Variants in SPAG16 observed in about 807,000 individuals in gnomAD.
The protein encoded by SPAG16 is sperm associated antigen 16, also known as sperm-associated antigen 16 protein.
Under a neutral mutation model 80.4 loss-of-function variants are expected in SPAG16, and 86 were observed. That is an observed-to-expected ratio of 1.07 (90% CI 0.90 to 1.28). The LOEUF (loss-of-function observed/expected upper bound fraction) is 1.28, where lower values mean the gene tolerates loss of function less well. SPAG16 is among the 50% of genes most tolerant of loss of function. The pLI is 0.00. For synonymous variants in SPAG16, 294 were observed against 265.9 expected (o/e 1.11, Z -1.03); for missense variants, 870 against 765.3 (o/e 1.14, Z -1.61).
At chr2:213,367,073 C>T (rs7593222) in intron 8 of SPAG16, among the ~76,000 whole-genome samples, 148,338 of 152,234 alleles carry the variant, frequency 0.97, 72,382 homozygotes, top group East Asian at 1. Flanking sequence ...TGGCTGAGAA[C>T]GATGGTTTCC....
intron 10 of SPAG16, among the ~76,000 whole-genome samples, chr2:213,647,569 T>A (rs908223279): frequency 1.3e-5 from 2 of 152,190 alleles, no homozygotes; most frequent in South Asian, 2.1e-4. Context: ...AGAAGTTTCT[T>A]ATTGAAGCCC....
intron 9 of SPAG16, among the ~76,000 whole-genome samples, chr2:213,441,909 G>A (rs1559136748): frequency 6.6e-6 from 1 of 152,204 alleles, no homozygotes. Flanking sequence ...CACTTTGGGA[G>A]GCTGAGACAG....
intron 15 of SPAG16, among the ~76,000 whole-genome samples, chr2:214,298,777 A>G (rs932514576): frequency 6.6e-6 from 1 of 152,046 alleles, no homozygotes; most frequent in African/African-American, 2.4e-5. Flanking sequence ...TTCTTTTTCA[A>G]TCTTGAGGTG....
chr2:213,523,527 G>A (rs2075769054), intron 10 of SPAG16, among the ~76,000 whole-genome samples: 1 of 152,158 alleles, frequency 6.6e-6, no homozygotes, highest in Non-Finnish European at 1.5e-5. Context: ...CAGTTTGGAG[G>A]GCTCAGAAGA....
intron 15 of SPAG16, among the ~76,000 whole-genome samples, chr2:214,390,106 T>C (rs1320424687): frequency 1.3e-5 from 2 of 152,148 alleles, no homozygotes; most frequent in Non-Finnish European, 2.9e-5. Context: ...TATGAAACAA[T>C]ACAATTTTTC....
At chr2:213,411,583 A>G (rs2068968106) in intron 9 of SPAG16, among the ~76,000 whole-genome samples, 1 of 152,232 alleles carries the variant, frequency 6.6e-6, no homozygotes, top group South Asian at 2.1e-4. Flanking sequence ...ATAGAAGTAT[A>G]ACAAAGGCAT....
At chr2:213,868,074 T>TTGG (rs1336724991) in intron 11 of SPAG16, among the ~76,000 whole-genome samples, 1 of 152,066 alleles carries the variant, frequency 6.6e-6, no homozygotes, top group Non-Finnish European at 1.5e-5. Flanking sequence ...TCAACATTAG[T>TTGG]TGGTAAAATC....
At chr2:214,234,074 T>TCC (rs112579129) in intron 15 of SPAG16, among the ~76,000 whole-genome samples, 254 of 151,354 alleles carry the variant, frequency 1.7e-3, no homozygotes, top group South Asian at 0.011. Context: ...ATGTGTTGTT[T>TCC]CCCCCCCCAT....
At chr2:214,016,189 C>T (rs1380332175) in intron 13 of SPAG16, among the ~76,000 whole-genome samples, 2 of 151,910 alleles carry the variant, frequency 1.3e-5, no homozygotes, top group African/African-American at 2.4e-5. Context: ...AAAGACATAC[C>T]CAAGGCTGGG....
chr2:213,659,364 C>T (rs2125175636), intron 10 of SPAG16, among the ~76,000 whole-genome samples: 1 of 151,338 alleles, frequency 6.6e-6, no homozygotes, highest in South Asian at 2.1e-4. Context: ...AGAAAGAATC[C>T]CAATGGACTC....
chr2:214,387,570 G>A (rs754945979), intron 15 of SPAG16, among the ~76,000 whole-genome samples: 16 of 152,140 alleles, frequency 1.1e-4, no homozygotes, highest in Admixed American at 1.3e-4. Flanking sequence ...ATATTCAAAA[G>A]TGTGGTATAT....
intron 10 of SPAG16, among the ~76,000 whole-genome samples, chr2:213,647,501 T>C (rs571761734): frequency 4.2e-4 from 64 of 151,992 alleles, no homozygotes; most frequent in African/African-American, 1.5e-3. Context: ...ATTCACAGAG[T>C]AGGGGATGGT....
intron 15 of SPAG16, among the ~76,000 whole-genome samples, chr2:214,191,236 C>G (rs544028099): frequency 3.7e-4 from 57 of 152,218 alleles, no homozygotes; most frequent in African/African-American, 1.3e-3. Flanking sequence ...AAAAAAGGCA[C>G]AGCCACTTTC....
intron 13 of SPAG16, among the ~76,000 whole-genome samples, chr2:214,054,428 A>G (rs1252357619): frequency 6.6e-6 from 1 of 152,228 alleles, no homozygotes; most frequent in Non-Finnish European, 1.5e-5. Flanking sequence ...AATTGTTCTT[A>G]TCAGAAGTTC....
At chr2:213,462,894 A>T (rs2072462278) in intron 9 of SPAG16, among the ~76,000 whole-genome samples, 2 of 152,308 alleles carry the variant, frequency 1.3e-5, no homozygotes, top group African/African-American at 4.8e-5. Flanking sequence ...ATACCCCAAA[A>T]TGTGGAAGCT....
At chr2:214,244,141 T>G (rs1689679409) in intron 15 of SPAG16, among the ~76,000 whole-genome samples, 1 of 152,066 alleles carries the variant, frequency 6.6e-6, no homozygotes, top group Non-Finnish European at 1.5e-5. Context: ...AAGGAATGCC[T>G]TCAAATTATA....
chr2:214,337,194 T>A (rs13419939), intron 15 of SPAG16, among the ~76,000 whole-genome samples: 4,153 of 152,114 alleles, frequency 0.027, 191 homozygotes, highest in African/African-American at 0.094. Flanking sequence ...CGTAGTAAAG[T>A]TCTCTCACTG....
At chr2:214,328,632 T>TTCTA (rs1028226708) in intron 15 of SPAG16, among the ~76,000 whole-genome samples, 1 of 152,236 alleles carries the variant, frequency 6.6e-6, no homozygotes, top group African/African-American at 2.4e-5. Context: ...GTATCTCAAA[T>TTCTA]TCTATCTATC....
chr2:213,693,510 A>G (rs1289364239), intron 10 of SPAG16, among the ~76,000 whole-genome samples: 4 of 152,176 alleles, frequency 2.6e-5, no homozygotes, highest in African/African-American at 9.6e-5. Flanking sequence ...ACAAAACAAT[A>G]ATGGCCATTA....
Sources: gnomAD v4.1 joint callset for allele counts (sites outside exome capture counted in the v4.1 genomes callset) on GRCh38, gnomAD v4.1.1 for gene constraint, MANE v1.5 for transcripts, NCBI Gene and HGNC (gene_info 2026-07-23, HGNC 2026-07-21) for gene names.